Variants in PGR observed in about 807,000 individuals in gnomAD.
The protein encoded by PGR is nuclear receptor subfamily 3 group C member 3.
A neutral mutation model predicts 76.1 loss-of-function variants in PGR; 25 were observed. The observed-to-expected ratio is 0.33, with a 90% CI of 0.24 to 0.46. PGR has a LOEUF of 0.46. Ranked by LOEUF, PGR falls within the 20% of genes least tolerant of loss-of-function variation. The pLI is 1.00. For missense variants in PGR, 1,172 were observed against 1,225.3 expected (o/e 0.96, Z 0.65); for synonymous variants, 579 against 535.0 (o/e 1.08, Z -1.14).
Position 101,037,236 on chromosome 11 carries a change from A to G in PGR, c.*1880T>C, listed in dbSNP as rs1339259812. The G allele has an allele frequency of 4.7e-6, 1 of 212,998 alleles. No individual in the cohort carries two copies. Among genetic ancestry groups the G allele is most frequent in the Admixed American group, 5.8e-5 (1 of 17,134 alleles). The allele number at this position is 212,998 out of a possible 1,614,324, so 13.2% of individuals were successfully genotyped here. A position where few individuals can be genotyped will look rare whatever the true frequency, so the allele number is the denominator to read the frequency against. On this transcript the variant is annotated 3_prime_UTR_variant, in exon 8 of 8. Transcript: ENST00000325455. Reference sequence around the variant, plus strand: ...GTGCTGCATGGGTATCAGTAAAATTATATGTAAATGTTTTGCACCTACCTA... The same window carrying G: ...GTGCTGCATGGGTATCAGTAAAATTGTATGTAAATGTTTTGCACCTACCTA...
chr11:101,066,463 T>A (rs952258297), intron 3 of PGR, among the ~76,000 whole-genome samples: 1 of 152,214 alleles, frequency 6.6e-6, no homozygotes, highest in Non-Finnish European at 1.5e-5. Context: ...TTCTCTTAGA[T>A]ATCTATGCTC....
At chr11:101,068,849 C>G (rs1591386456) in intron 3 of PGR, among the ~76,000 whole-genome samples, 2 of 152,218 alleles carry the variant, frequency 1.3e-5, no homozygotes, top group South Asian at 4.1e-4. Flanking sequence ...CTTCCCTACA[C>G]CTAATACAAA....
intron 3 of PGR, among the ~76,000 whole-genome samples, chr11:101,088,878 T>C (rs1591403758): frequency 6.6e-6 from 1 of 152,200 alleles, no homozygotes; most frequent in East Asian, 1.9e-4. Flanking sequence ...TCACATCCTT[T>C]GCAGCAGCAT....
rs1862994908 is a variant in PGR, at chr11:101,128,849, C to A, written c.222G>T (p.Thr74=). 10 of 1,614,030 alleles carry A rather than the reference C, an allele frequency of 6.2e-6. No individual in the cohort carries two copies. Among genetic ancestry groups the A allele is most frequent in the Non-Finnish European group, 8.5e-6 (10 of 1,180,042 alleles). The change falls in exon 1 of 8, where the codon ACG becomes ACT. Residue 74 remains threonine (T), a synonymous_variant. Transcript: ENST00000325455. The part of the protein sequence containing the change: ...CQGQDPSDEK[T]QDQQSLSDVE... Reference sequence around the variant, plus strand: ...CGTCCGACAGCGACTGCTGGTCCTGCGTCTTTTCGTCGGAGGGGTCCTGTC... The same window carrying A: ...CGTCCGACAGCGACTGCTGGTCCTGAGTCTTTTCGTCGGAGGGGTCCTGTC...
chr11:101,061,182 T>C (rs909706401), intron 4 of PGR, among the ~76,000 whole-genome samples: 1 of 152,208 alleles, frequency 6.6e-6, no homozygotes, highest in Non-Finnish European at 1.5e-5. Flanking sequence ...GTTATTTTTA[T>C]TTATTAAAGC....
At chr11:101,098,385 T>C (rs1159625140) in intron 2 of PGR, among the ~76,000 whole-genome samples, 2 of 152,026 alleles carry the variant, frequency 1.3e-5, no homozygotes, top group African/African-American at 4.8e-5. Flanking sequence ...GGAAAATACA[T>C]AGTCAAATGG....
chr11:101,122,048 G>A lies in PGR; in HGVS notation c.1789+3959C>T, dbSNP rs1470524213. On this transcript the variant is annotated intron_variant, in intron 2 of 7. Coordinates refer to ENST00000325455, the MANE Select transcript of PGR (RefSeq NM_000926.4). ...GGGGCACCCGTAGTCCCAGCTACTC[G>A]GGAGGCTAAGGCAGGAGAATGGCAT... 4.0e-5 allele frequency among the ~76,000 whole-genome samples: 6 copies of A among 151,420 alleles called. No homozygotes were observed. In the East Asian group the frequency reaches 5.8e-4, roughly 15 times the overall value.
In PGR at chr11:101,128,893, A is replaced by G. The variant is rs1472554109; in HGVS notation, c.178T>C (p.Phe60Leu). 6.2e-7 allele frequency: 1 copy of G among 1,613,940 alleles called. No individual in the cohort carries two copies. The highest frequency in any genetic ancestry group is 1.1e-5 in the South Asian group (1 of 91,080). The stretch of plus-strand genomic sequence containing the variant: ...TCCTGTCCCTGGCAGGGCCGAGGGA[A>G]GAGTAGCCCGTCCAGGGAGATAGGT... ...AIPISLDGLL[F>L]PRPCQGQDPS... is the part of the protein sequence containing the mutation. Residue 60 changes from phenylalanine (F) to leucine (L), a missense_variant, in exon 1 of 8, where the codon TTC becomes CTC. Around this residue, in one of 4 missense-constraint regions of PGR, gnomAD observed 893 missense variants for 785.9 expected, o/e 1.14. Transcript: ENST00000325455.
intron 3 of PGR, among the ~76,000 whole-genome samples, chr11:101,065,778 G>A (rs1431396204): frequency 6.6e-6 from 1 of 152,100 alleles, no homozygotes; most frequent in Non-Finnish European, 1.5e-5. Flanking sequence ...CTGAGACGCT[G>A]GGGGTGAGCA....
At chr11:101,102,678 A>G (rs1468003759) in intron 2 of PGR, among the ~76,000 whole-genome samples, 1 of 152,258 alleles carries the variant, frequency 6.6e-6, no homozygotes, top group East Asian at 1.9e-4. Flanking sequence ...GGAGAGAAGG[A>G]AAATCTTATT....
intron 6 of PGR, among the ~76,000 whole-genome samples, chr11:101,048,964 T>C (rs901104126): frequency 1.3e-5 from 2 of 152,060 alleles, no homozygotes; most frequent in South Asian, 4.1e-4. Flanking sequence ...AGGCTGGACT[T>C]AAAACTCCTG....
rs1859523187 is a variant in PGR at position 101,036,575 on chromosome 11, T to C, written c.*2541A>G. On this transcript the variant is annotated 3_prime_UTR_variant, in exon 8 of 8. Transcript: ENST00000325455. ...AATGGAGACATTAGTAGATAGGACT[T>C]TGTAGAGAAAAAGATTTAGAAATTA... 5.1e-6 allele frequency: 1 copy of C among 196,742 alleles called. No individual in the cohort carries two copies. The highest frequency in any genetic ancestry group is 8.0e-5 in the East Asian group (1 of 12,556). The allele number at this position is 196,742 out of a possible 1,614,324, so 12.2% of individuals were successfully genotyped here. A position where few individuals can be genotyped will look rare whatever the true frequency, so the allele number is the denominator to read the frequency against.
chr11:101,129,031 C>T lies in PGR; in HGVS notation c.40G>A (p.Val14Met). ...LKAKGPRAPH[V>M]AGGPPSPEVG... is the part of the protein sequence containing the mutation. The stretch of plus-strand genomic sequence containing the variant: ...TCGGGGGAGGGCGGGCCGCCCGCCA[C>T]GTGGGGAGCCCGGGGACCCTTTGCC... Residue 14 changes from valine to methionine, a missense_variant, in exon 1 of 8, where the codon GTG becomes ATG. Physicochemically the swap from Val to Met is conservative, Grantham distance 21. Coordinates refer to ENST00000325455, the MANE Select transcript of PGR (RefSeq NM_000926.4). 6.4e-7 allele frequency: 1 copy of T among 1,565,742 alleles called. No individual in the cohort carries two copies. Among genetic ancestry groups the T allele is most frequent in the Non-Finnish European group, 8.7e-7 (1 of 1,156,004 alleles).
Position 101,129,231 on chromosome 11 carries a change from G to A in PGR, c.-161C>T. The A allele has an allele frequency of 1.4e-5, 4 of 287,550 alleles. No homozygotes were observed. Among genetic ancestry groups the A allele is most frequent in the Non-Finnish European group, 2.7e-5 (4 of 145,554 alleles). The allele number at this position is 287,550 out of a possible 1,614,324, so 17.8% of individuals were successfully genotyped here. A position where few individuals can be genotyped will look rare whatever the true frequency, so the allele number is the denominator to read the frequency against. On this transcript the variant is annotated 5_prime_UTR_variant, in exon 1 of 8. Coordinates refer to ENST00000325455, the MANE Select transcript of PGR (RefSeq NM_000926.4). The stretch of plus-strand genomic sequence containing the variant: ...CCTCCTGGGTCGGGGGCGGGGGAGG[G>A]CGGCGCTGGTCAGCTCCTGCCCTTG...
intron 2 of PGR, among the ~76,000 whole-genome samples, chr11:101,092,281 C>A (rs1861699063): frequency 6.6e-6 from 1 of 151,990 alleles, no homozygotes; most frequent in South Asian, 2.1e-4. Flanking sequence ...TTCAAGAAAA[C>A]AGATACAGAC....
In PGR at chr11:101,128,833, G is replaced by T; in HGVS notation, c.238C>A (p.Leu80Met). ...GAATATGCGCCCTCCACGTCCGACA[G>T]CGACTGCTGGTCCTGCGTCTTTTCG... ...SDEKTQDQQS[L>M]SDVEGAYSRA... The change falls in exon 1 of 8, where the codon CTG becomes ATG. Residue 80 changes from leucine to methionine, a missense_variant. By Grantham distance (15) the Leu-to-Met change is conservative. This residue lies in a region of PGR where 893 missense variants were observed against 785.9 expected (regional missense o/e 1.14). Coordinates refer to ENST00000325455, the MANE Select transcript of PGR (RefSeq NM_000926.4). 4.3e-6 allele frequency: 7 copies of T among 1,614,202 alleles called. No homozygotes were observed. Among genetic ancestry groups the T allele is most frequent in the Non-Finnish European group, 5.9e-6 (7 of 1,180,046 alleles).
intron 4 of PGR, among the ~76,000 whole-genome samples, chr11:101,059,373 T>A (rs1311866418): frequency 1.3e-5 from 2 of 152,104 alleles, no homozygotes; most frequent in African/African-American, 4.8e-5. Flanking sequence ...TATGTCTTGT[T>A]CATTAAAAAA....
Position 101,033,459 on chromosome 11 carries a change from C to G in PGR, c.*5657G>C, listed in dbSNP as rs1859412509. ...TGGATCTTAACCTAGTTTAGGAAAG[C>G]TATGATAGAAGTCCATTGACTAACT... On this transcript the variant is annotated 3_prime_UTR_variant, in exon 8 of 8. Transcript: ENST00000325455. 5.3e-6 allele frequency: 1 copy of G among 190,184 alleles called. No individual in the cohort carries two copies. Among genetic ancestry groups the G allele is most frequent in the African/African-American group, 2.3e-5 (1 of 42,928 alleles). 11.8% of individuals were successfully genotyped at this position (190,184 alleles called of 1,614,324 possible).
intron 6 of PGR, among the ~76,000 whole-genome samples, chr11:101,043,088 G>A (rs758884202): frequency 3.9e-5 from 6 of 152,102 alleles, no homozygotes; most frequent in Non-Finnish European, 8.8e-5. Flanking sequence ...TAATTTTTCT[G>A]TAGCATGCAA....
Sources: gnomAD v4.1 joint callset for allele counts (sites outside exome capture counted in the v4.1 genomes callset) on GRCh38, gnomAD v4.1.1 for gene constraint, gnomAD v4.1.1 regional missense constraint, MANE v1.5 for transcripts, NCBI Gene and HGNC (gene_info 2026-07-23, HGNC 2026-07-21) for gene names.